Variants in GALM observed in about 807,000 individuals in gnomAD.
GALM encodes galactose mutarotase, also known as aldose 1-epimerase.
In GALM, 43 loss-of-function variants were observed where a neutral mutation model predicts 37.4. That is an observed-to-expected ratio of 1.15 (90% CI 0.90 to 1.48). The LOEUF is 1.48. GALM is among the 40% of genes most tolerant of loss of function. The pLI is 0.00. For missense variants in GALM, 456 were observed against 419.1 expected, an observed-to-expected ratio of 1.09 and a Z score of -0.77; for synonymous variants, 199 against 170.6, an observed-to-expected ratio of 1.17 and a Z score of -1.30.
At chr2:38,718,418 C>T (rs568611886) in intron 4 of GALM, among the ~76,000 whole-genome samples, 3 of 151,554 alleles carry the variant, frequency 2.0e-5, no homozygotes, top group Non-Finnish European at 2.9e-5. Flanking sequence ...AGCCTGGTCT[C>T]GAACTCCTGA....
At chr2:38,704,203 TA>T (rs1051894634) in intron 4 of GALM, among the ~76,000 whole-genome samples, 6 of 151,054 alleles carry the variant, frequency 4.0e-5, no homozygotes, top group Non-Finnish European at 7.4e-5. Flanking sequence ...ATTATTTTAT[TA>T]TTTTTTTTTT....
chr2:38,726,416 C>G (rs910360935), intron 4 of GALM, among the ~76,000 whole-genome samples: 1 of 151,056 alleles, frequency 6.6e-6, no homozygotes, highest in East Asian at 2.0e-4. Flanking sequence ...TTAGTAGAGA[C>G]GGGTTTTCAC....
At chr2:38,722,347 A>G (rs967538798) in intron 4 of GALM, among the ~76,000 whole-genome samples, 1 of 151,872 alleles carries the variant, frequency 6.6e-6, no homozygotes, top group African/African-American at 2.4e-5. Flanking sequence ...TGGTCTCTGT[A>G]TTTATGAAAA....
At chr2:38,732,919 TAAAA>T (rs11424376) in intron 6 of GALM, among the ~76,000 whole-genome samples, 1 of 97,936 alleles carries the variant, frequency 1.0e-5, no homozygotes, top group Non-Finnish European at 2.1e-5. Context: ...ACCCTGTCTT[TAAAA>T]AAAAAAAAAA....
chr2:38,733,426 C>A lies in GALM; in HGVS notation c.952-62C>A, dbSNP rs1251272136. The A allele has an allele frequency of 2.9e-6, 4 of 1,387,976 alleles. No individual in the cohort carries two copies. The Admixed American group carries it at 5.0e-5, about 17-fold the overall frequency. The allele number at this position is 1,387,976 out of a possible 1,614,324, so 86.0% of individuals were successfully genotyped here. On this transcript the variant is annotated intron_variant, in intron 6 of 6. Coordinates refer to ENST00000272252, the MANE Select transcript of GALM (RefSeq NM_138801.3). ...TCTAGAAGCCCGTCCAGAAGCACAC[C>A]CAAATGGTTAATGTTGCAGCCTGCG... is the stretch of plus-strand genomic sequence containing the variant.
chr2:38,696,378 C>G (rs1445355486), intron 4 of GALM, among the ~76,000 whole-genome samples: 1 of 152,000 alleles, frequency 6.6e-6, no homozygotes, highest in Non-Finnish European at 1.5e-5. Context: ...CTTAGCCTCC[C>G]AAAGTGCTGG....
intron 4 of GALM, among the ~76,000 whole-genome samples, chr2:38,729,156 T>C (rs921020652): frequency 3.9e-5 from 6 of 152,044 alleles, no homozygotes; most frequent in African/African-American, 1.4e-4. Context: ...TATACTCTAT[T>C]TATTTGAGGG....
chr2:38,685,020 C>G (rs1315864585), intron 3 of GALM, among the ~76,000 whole-genome samples: 1 of 152,102 alleles, frequency 6.6e-6, no homozygotes, highest in Non-Finnish European at 1.5e-5. Flanking sequence ...GGCCACAGCT[C>G]CAGGAATCAC....
intron 1 of GALM, among the ~76,000 whole-genome samples, chr2:38,673,881 T>C (rs1441199237): frequency 1.3e-5 from 2 of 150,414 alleles, no homozygotes; most frequent in Non-Finnish European, 3.0e-5. Flanking sequence ...CATGGAGCAA[T>C]CTGAAGATAT....
intron 2 of GALM, among the ~76,000 whole-genome samples, chr2:38,680,755 A>G (rs917844421): frequency 6.6e-6 from 1 of 152,182 alleles, no homozygotes; most frequent in Non-Finnish European, 1.5e-5. Flanking sequence ...AGAGGAGAGG[A>G]AAATATTGTA....
chr2:38,723,130 G>A (rs1666417525), intron 4 of GALM, among the ~76,000 whole-genome samples: 1 of 152,106 alleles, frequency 6.6e-6, no homozygotes. Flanking sequence ...GAGATAAATA[G>A]GGCACAATTC....
intron 1 of GALM, among the ~76,000 whole-genome samples, chr2:38,667,803 C>T (rs151095483): frequency 0.019 from 2,823 of 152,200 alleles, 92 homozygotes; most frequent in African/African-American, 0.063. Flanking sequence ...CGCCACTGCA[C>T]TCCAGCCTGG....
chr2:38,727,762 A>C (rs1666516387), intron 4 of GALM, among the ~76,000 whole-genome samples: 2 of 152,082 alleles, frequency 1.3e-5, no homozygotes, highest in Non-Finnish European at 1.5e-5. Flanking sequence ...AATAAATGAA[A>C]TGTCCTCTTT....
At chr2:38,683,102 G>A (rs975175976) in intron 3 of GALM, among the ~76,000 whole-genome samples, 2 of 152,114 alleles carry the variant, frequency 1.3e-5, no homozygotes, top group Non-Finnish European at 2.9e-5. Flanking sequence ...TTTAATAATA[G>A]GGAGGGGAGA....
intron 4 of GALM, among the ~76,000 whole-genome samples, chr2:38,699,073 C>T (rs532892437): frequency 5.3e-5 from 8 of 151,800 alleles, no homozygotes; most frequent in African/African-American, 1.9e-4. Context: ...ACCACCATGC[C>T]CAGCTAATTT....
intron 3 of GALM, among the ~76,000 whole-genome samples, chr2:38,687,568 A>C (rs1250132763): frequency 1.3e-5 from 2 of 151,862 alleles, no homozygotes; most frequent in African/African-American, 4.8e-5. Flanking sequence ...AAATTAGCCT[A>C]GCATGGTGGT....
intron 4 of GALM, among the ~76,000 whole-genome samples, chr2:38,717,356 A>G (rs1666289691): frequency 6.6e-6 from 1 of 151,220 alleles, no homozygotes; most frequent in East Asian, 1.9e-4. Flanking sequence ...TATAAAAGAG[A>G]GTGAGAGAGT....
chr2:38,719,428 C>G (rs1260626730), intron 4 of GALM, among the ~76,000 whole-genome samples: 2 of 149,080 alleles, frequency 1.3e-5, no homozygotes, highest in African/African-American at 2.5e-5. Flanking sequence ...GAGATCACGC[C>G]ACTGCACTGC....
intron 4 of GALM, among the ~76,000 whole-genome samples, chr2:38,705,523 C>T (rs542032388): frequency 2.4e-3 from 364 of 152,230 alleles, no homozygotes; most frequent in Non-Finnish European, 4.5e-3. Context: ...AGAGGATTCT[C>T]AAGATTGTCC....
Sources: gnomAD v4.1 joint callset for allele counts (sites outside exome capture counted in the v4.1 genomes callset) on GRCh38, gnomAD v4.1.1 for gene constraint, MANE v1.5 for transcripts, NCBI Gene and HGNC (gene_info 2026-07-23, HGNC 2026-07-21) for gene names.